USP45: variants seen among roughly 807,000 people sequenced by gnomAD.
The protein encoded by USP45 is ubiquitin specific peptidase 45.
USP45 carries 89 observed loss-of-function variants against 95.8 expected under a neutral mutation model. The ratio of observed to expected loss-of-function variants is 0.93; its 90% CI spans 0.78 to 1.11. USP45 has a LOEUF of 1.11. Among genes scored for constraint, USP45 ranks in the 50% least tolerant of loss-of-function variants. The pLI is 0.00. For synonymous variants in USP45, 281 were observed against 316.2 expected (o/e 0.89, Z 1.18); for missense variants, 898 against 942.5 (o/e 0.95, Z 0.62).
intron 5 of USP45, among the ~76,000 whole-genome samples, chr6:99,498,155 T>C (rs554331796): frequency 4.5e-4 from 68 of 152,204 alleles, no homozygotes; most frequent in Non-Finnish European, 9.3e-4. Context: ...TAGATCTGTC[T>C]CATTCACTAC....
At chr6:99,469,801 G>A (rs957182677) in intron 9 of USP45, among the ~76,000 whole-genome samples, 4 of 151,138 alleles carry the variant, frequency 2.6e-5, no homozygotes, top group Admixed American at 6.6e-5. Context: ...TTGTTTGTTC[G>A]TTTTGTAGAG....
At chr6:99,445,672 G>T in intron 14 of USP45, 125 bp downstream of exon 14, 1 of 734,120 alleles carries the variant, frequency 1.4e-6, no homozygotes, top group Non-Finnish European at 2.1e-6. Flanking sequence ...AAATATGAAT[G>T]AAACAATCTC....
At chr6:99,493,786 A>G (rs1012794208) in intron 5 of USP45, among the ~76,000 whole-genome samples, 2 of 152,232 alleles carry the variant, frequency 1.3e-5, no homozygotes, top group African/African-American at 4.8e-5. Flanking sequence ...GGCACGAGCC[A>G]CTGCGCCTGG....
chr6:99,497,302 G>A (rs1796507813), intron 5 of USP45, among the ~76,000 whole-genome samples: 1 of 150,860 alleles, frequency 6.6e-6, no homozygotes. Context: ...CCTAACATCA[G>A]ATGTGAAATC....
intron 9 of USP45, among the ~76,000 whole-genome samples, 167 bp from the exon 10 acceptor site, chr6:99,468,785 A>G (rs1195652136): frequency 2.0e-5 from 3 of 152,168 alleles, no homozygotes; most frequent in Non-Finnish European, 4.4e-5. Flanking sequence ...CAGGTCTCAA[A>G]TTCCATGAAT....
At chr6:99,486,166 G>A (rs973105667) in intron 7 of USP45, among the ~76,000 whole-genome samples, 7 of 151,942 alleles carry the variant, frequency 4.6e-5, no homozygotes, top group South Asian at 4.2e-4. Context: ...AAAAATAAAC[G>A]GTATATAGAC....
At position 99,451,872 on chromosome 6, in the gene USP45, A is replaced by G. The variant is rs142888952; in HGVS notation, c.1309-5409T>C. ...ACAGAACAGAACCCGCAGAAATAAT[A>G]CCACACATCTACAACCATCTGATCT... On this transcript the variant is annotated intron_variant, in intron 13 of 17. Coordinates refer to ENST00000500704, the MANE Select transcript of USP45 (RefSeq NM_001346022.3). Among the ~76,000 whole-genome samples the G allele has an allele frequency of 2.9e-3, 449 of 152,258 alleles. 2 individuals carry two copies. Among genetic ancestry groups the G allele is most frequent in the African/African-American group, 0.01 (435 of 41,554 alleles).
intron 10 of USP45, chr6:99,468,071 T>C (rs1475151638): frequency 4.5e-6 from 2 of 447,848 alleles, no homozygotes; most frequent in South Asian, 3.2e-5. Context: ...ACACTAGGAG[T>C]AGGCAAAGTG....
chr6:99,503,637 A>G (rs1476972759), intron 5 of USP45, 128 bp downstream of exon 5: 7 of 663,262 alleles, frequency 1.1e-5, no homozygotes, highest in Non-Finnish European at 1.7e-5. Context: ...GCCGATACTC[A>G]TAATATCTTT....
At chr6:99,514,953 A>G (rs1800819612) in intron 1 of USP45, 1 of 152,234 alleles carries the variant, frequency 6.6e-6, no homozygotes, top group African/African-American at 2.4e-5. Flanking sequence ...TAAGCGGTGG[A>G]TGGAGATGCG....
intron 9 of USP45, among the ~76,000 whole-genome samples, chr6:99,473,084 C>T (rs564426354): frequency 4.2e-4 from 63 of 151,420 alleles, no homozygotes; most frequent in African/African-American, 1.2e-3. Flanking sequence ...ATTATCCTGT[C>T]GGTTTATTAG....
At chr6:99,452,276 C>G (rs1221563291) in intron 13 of USP45, among the ~76,000 whole-genome samples, 2 of 152,080 alleles carry the variant, frequency 1.3e-5, no homozygotes, top group South Asian at 2.1e-4. Flanking sequence ...TTGCAACCTA[C>G]TCATGTGACA....
At chr6:99,483,844 C>CAAA (rs71276584) in intron 7 of USP45, among the ~76,000 whole-genome samples, 14,199 of 85,916 alleles carry the variant, frequency 0.17, 2,050 homozygotes, top group Middle Eastern at 0.23. Flanking sequence ...GACTCCGTCT[C>CAAA]AAAAAAAAAA....
chr6:99,471,182 CAATT>C (rs1789305957), intron 9 of USP45, among the ~76,000 whole-genome samples: 1 of 152,074 alleles, frequency 6.6e-6, no homozygotes, highest in African/African-American at 2.4e-5. Flanking sequence ...GTTTAAAAGT[CAATT>C]AATAGGTAAT....
intron 9 of USP45, among the ~76,000 whole-genome samples, chr6:99,475,911 G>A (rs1235972787): frequency 1.3e-5 from 2 of 152,068 alleles, no homozygotes. Flanking sequence ...TGCAACCTCT[G>A]CTTCCTGGGT....
chr6:99,464,746 A>G lies in USP45; in HGVS notation c.1166T>C (p.Val389Ala). 6.2e-7 allele frequency: 1 copy of G among 1,600,916 alleles called. No homozygotes were observed. Among genetic ancestry groups the G allele is most frequent in the Middle Eastern group, 1.7e-4 (1 of 6,010 alleles). ...DISLPIIEERVSKPLLWGRMN... is the reference protein window; with the variant it reads ...DISLPIIEERASKPLLWGRMN... ...TCTTCCCCAAAGTAAAGGTTTTGAA[A>G]CCTATGTAAATGCCACATACAGAAA... Residue 389 changes from valine to alanine, a missense_variant and splice_region_variant, in exon 13 of 18, where the codon GTT becomes GCT. Coordinates refer to ENST00000500704, the MANE Select transcript of USP45 (RefSeq NM_001346022.3).
intron 5 of USP45, chr6:99,501,814 A>G: frequency 8.3e-6 from 7 of 845,208 alleles, no homozygotes; most frequent in Non-Finnish European, 1.1e-5. Context: ...TTATATAATA[A>G]AGGATCTGGC....
At chr6:99,470,047 CAA>C (rs1391343274) in intron 9 of USP45, among the ~76,000 whole-genome samples, 2 of 152,088 alleles carry the variant, frequency 1.3e-5, no homozygotes, top group Admixed American at 6.6e-5. Context: ...AGTCAAAACA[CAA>C]GAGAGGCAAA....
chr6:99,472,363 G>C (rs1175151254), intron 9 of USP45, among the ~76,000 whole-genome samples: 6 of 151,716 alleles, frequency 4.0e-5, no homozygotes, highest in Non-Finnish European at 8.8e-5. Flanking sequence ...TTACAGACAC[G>C]CATCACCATG....
Sources: gnomAD v4.1 joint callset for allele counts (sites outside exome capture counted in the v4.1 genomes callset) on GRCh38, gnomAD v4.1.1 for gene constraint, MANE v1.5 for transcripts, NCBI Gene and HGNC (gene_info 2026-07-23, HGNC 2026-07-21) for gene names.